EBPL: variants seen among roughly 807,000 people sequenced by gnomAD.
EBPL encodes the protein EBP like.
A neutral mutation model predicts 19.0 loss-of-function variants in EBPL; 20 were observed. The ratio of observed to expected loss-of-function variants is 1.05; its 90% CI spans 0.74 to 1.53. The LOEUF is 1.53. EBPL is among the 40% of genes most tolerant of loss of function. The pLI is 0.00. For missense variants in EBPL, 219 were observed against 261.1 expected (o/e 0.84, Z 1.11); for synonymous variants, 107 against 117.0 (o/e 0.91, Z 0.55).
At chr13:49,664,183 C>T (rs1196731721) in intron 2 of EBPL, among the ~76,000 whole-genome samples, 2 of 152,230 alleles carry the variant, frequency 1.3e-5, no homozygotes, top group South Asian at 2.1e-4. Flanking sequence ...ACCCAGGAGG[C>T]GGAGGTTGCA....
chr13:49,688,869 C>T (rs1220121019), intron 1 of EBPL, among the ~76,000 whole-genome samples: 3 of 152,038 alleles, frequency 2.0e-5, no homozygotes, highest in African/African-American at 7.2e-5. Flanking sequence ...CAATAAACTC[C>T]CAAGCAAAGA....
intron 3 of EBPL, 130 bp downstream of exon 3, chr13:49,662,927 C>A: frequency 8.0e-7 from 1 of 1,251,442 alleles, no homozygotes; most frequent in Non-Finnish European, 1.1e-6. Context: ...GGAGCCACCG[C>A]GCCCAGCCTC....
intron 2 of EBPL, chr13:49,668,697 C>CAGGTATTTGG (rs2137489205): frequency 5.5e-6 from 2 of 361,300 alleles, no homozygotes; most frequent in Non-Finnish European, 1.1e-5. Flanking sequence ...TTGGTATTGA[C>CAGGTATTTGG]ACAGTACATG....
intron 2 of EBPL, among the ~76,000 whole-genome samples, chr13:49,665,613 G>T (rs945126538): frequency 1.3e-5 from 2 of 152,064 alleles, no homozygotes; most frequent in African/African-American, 4.8e-5. Context: ...CACAATGTTG[G>T]CAAGGCTGGT....
Position 49,674,592 on chromosome 13 carries a change from T to TC in EBPL, c.172-4747_172-4746insG, listed in dbSNP as rs982065615. 3.4e-5 allele frequency among the ~76,000 whole-genome samples: 5 copies of TC among 148,456 alleles called. No individual in the cohort carries two copies. In the Admixed American group the frequency reaches 3.5e-4, roughly 10 times the overall value. On this transcript the variant is annotated intron_variant, in intron 1 of 3. Coordinates refer to ENST00000242827, the MANE Select transcript of EBPL (RefSeq NM_032565.5). ...ACCATGACTAAATGAATGGGCTTTT[T>TC]TTTTTTTTGGCAACTGTCAGGACTT...
chr13:49,666,406 A>G (rs894515405), intron 2 of EBPL, among the ~76,000 whole-genome samples: 3 of 152,084 alleles, frequency 2.0e-5, no homozygotes, highest in African/African-American at 7.2e-5. Flanking sequence ...CCAGGTATCA[A>G]AGCAGACATA....
intron 1 of EBPL, among the ~76,000 whole-genome samples, chr13:49,677,765 T>C (rs1000297670): frequency 9.9e-5 from 15 of 152,072 alleles, no homozygotes; most frequent in African/African-American, 2.9e-4. Context: ...AATACAAATA[T>C]TGTGTCTGGA....
At chr13:49,667,175 C>G (rs1178657381) in intron 2 of EBPL, among the ~76,000 whole-genome samples, 1 of 152,132 alleles carries the variant, frequency 6.6e-6, no homozygotes, top group African/African-American at 2.4e-5. Flanking sequence ...TCTGGCAGTC[C>G]CTCTGGCATC....
intron 3 of EBPL, among the ~76,000 whole-genome samples, chr13:49,662,413 A>C (rs542761069): frequency 6.6e-6 from 1 of 152,326 alleles, no homozygotes; most frequent in African/African-American, 2.4e-5. Context: ...CAAGTGGGAC[A>C]GGAGTTTTCT....
chr13:49,682,369 T>TC (rs1953951809), intron 1 of EBPL, among the ~76,000 whole-genome samples: 1 of 152,222 alleles, frequency 6.6e-6, no homozygotes, highest in Non-Finnish European at 1.5e-5. Context: ...AAGGAAACCT[T>TC]CCAAGGCTCA....
rs371688271 is a variant in EBPL, at chr13:49,673,340, C to G, written c.172-3494G>C. 4.6e-5 allele frequency among the ~76,000 whole-genome samples: 7 copies of G among 152,344 alleles called. No individual in the cohort carries two copies. The East Asian group carries it at 1.3e-3, about 29-fold the overall frequency. ...TATCATCTTTATACAAAAACAACTA[C>G]ACGAATGTTCATAGCAGCTTTATTT... is the stretch of plus-strand genomic sequence containing the variant. On this transcript the variant is annotated intron_variant, in intron 1 of 3. Transcript: ENST00000242827.
intron 1 of EBPL, among the ~76,000 whole-genome samples, chr13:49,674,560 A>G (rs928563495): frequency 3.9e-5 from 6 of 152,034 alleles, no homozygotes; most frequent in African/African-American, 1.4e-4. Flanking sequence ...GACATGGGAG[A>G]AAGAGTACCA....
intron 1 of EBPL, among the ~76,000 whole-genome samples, chr13:49,684,670 T>C (rs1953978916): frequency 6.6e-6 from 1 of 152,082 alleles, no homozygotes; most frequent in Non-Finnish European, 1.5e-5. Flanking sequence ...AGTGAGACTG[T>C]CTCAAAAAAT....
chr13:49,669,672 T>A, intron 2 of EBPL, 105 bp downstream of exon 2: 2 of 975,504 alleles, frequency 2.1e-6, no homozygotes, highest in Non-Finnish European at 3.1e-6. Flanking sequence ...ATTCTGGACA[T>A]TTCATATAAA....
intron 1 of EBPL, among the ~76,000 whole-genome samples, chr13:49,673,561 C>T (rs1296355040): frequency 6.6e-6 from 1 of 152,162 alleles, no homozygotes; most frequent in Non-Finnish European, 1.5e-5. Context: ...CTTAGCCTCC[C>T]AAGTAGCTGG....
At chr13:49,667,782 G>T (rs1953755021) in intron 2 of EBPL, among the ~76,000 whole-genome samples, 2 of 152,344 alleles carry the variant, frequency 1.3e-5, no homozygotes, top group South Asian at 4.1e-4. Context: ...ACTGCACCCA[G>T]CTAGTTTTCA....
chr13:49,674,156 T>A (rs1953850839), intron 1 of EBPL, among the ~76,000 whole-genome samples: 1 of 151,932 alleles, frequency 6.6e-6, no homozygotes, highest in South Asian at 2.1e-4. Flanking sequence ...CAGGCAGGAG[T>A]GCAGTGGTGC....
At chr13:49,666,035 A>G (rs1965222603) in intron 2 of EBPL, among the ~76,000 whole-genome samples, 1 of 152,194 alleles carries the variant, frequency 6.6e-6, no homozygotes, top group South Asian at 2.1e-4. Context: ...GAGGAGGTTT[A>G]TTAGTTGCAC....
chr13:49,664,314 G>A (rs1965195446), intron 2 of EBPL, among the ~76,000 whole-genome samples: 1 of 152,300 alleles, frequency 6.6e-6, no homozygotes, highest in Non-Finnish European at 1.5e-5. Flanking sequence ...ACAGTGGGCA[G>A]GGAGGGGAGG....
Sources: gnomAD v4.1 joint callset for allele counts (sites outside exome capture counted in the v4.1 genomes callset) on GRCh38, gnomAD v4.1.1 for gene constraint, MANE v1.5 for transcripts, NCBI Gene and HGNC (gene_info 2026-07-23, HGNC 2026-07-21) for gene names.